Variants in IFNAR1 observed in about 807,000 individuals in gnomAD.
IFNAR1 encodes the protein interferon alpha and beta receptor subunit 1.
A neutral mutation model predicts 62.1 loss-of-function variants in IFNAR1; 47 were observed. That is an observed-to-expected ratio of 0.76 (90% CI 0.60 to 0.97). The LOEUF (loss-of-function observed/expected upper bound fraction) is 0.97. Among genes scored for constraint, IFNAR1 ranks in the 50% least tolerant of loss-of-function variants. The pLI is 0.00. For missense variants in IFNAR1, 638 were observed against 654.5 expected (o/e 0.97, Z 0.27); for synonymous variants, 219 against 226.9 (o/e 0.97, Z 0.31).
In IFNAR1 at chr21:33,349,531, T is replaced by C. The variant is rs760075651; in HGVS notation, c.1131T>C (p.Thr377=). 4 of 1,602,610 alleles carry C rather than the reference T, an allele frequency of 2.5e-6. No individual in the cohort carries two copies. Among genetic ancestry groups the C allele is most frequent in the Non-Finnish European group, 3.4e-6 (4 of 1,172,764 alleles). Residue 377 remains threonine, a synonymous_variant, in exon 8 of 11, where the codon ACT becomes ACC. Coordinates refer to ENST00000270139, the MANE Select transcript of IFNAR1 (RefSeq NM_000629.3). ...ATGAAATTATTTTTTGGGAAAACAC[T>C]TCAAATGCTGAGGTAAAAAGACTGT... is the stretch of plus-strand genomic sequence containing the variant. ...LIYEIIFWEN[T]SNAERKIIEK...
At chr21:33,334,656 G>T in intron 1 of IFNAR1, 1 of 773,004 alleles carries the variant, frequency 1.3e-6, no homozygotes, top group Non-Finnish European at 2.3e-6. Context: ...GGCTTCTGGG[G>T]AAGACCCAGC....
chr21:33,347,575 C>T (rs544488462), intron 6 of IFNAR1, among the ~76,000 whole-genome samples: 2 of 152,204 alleles, frequency 1.3e-5, no homozygotes, highest in Non-Finnish European at 2.9e-5. Context: ...CCTAGATCCT[C>T]TTTTAAGGGG....
intron 1 of IFNAR1, among the ~76,000 whole-genome samples, chr21:33,330,202 T>C (rs2083162750): frequency 6.6e-6 from 1 of 152,186 alleles, no homozygotes; most frequent in Non-Finnish European, 1.5e-5. Context: ...ATCTGGGATC[T>C]GTGCTCTTGA....
Position 33,324,985 on chromosome 21 carries a change from G to A in IFNAR1, c.-71G>A, listed in dbSNP as rs747022187. ...GCAGAGGGGCGGTGTGACTTAGGACGGGGCGATGGCGGCTGAGAGGAGCTG... is the reference window on the plus strand; with the variant it reads ...GCAGAGGGGCGGTGTGACTTAGGACAGGGCGATGGCGGCTGAGAGGAGCTG... On this transcript the variant is annotated 5_prime_UTR_variant, in exon 1 of 11. Coordinates refer to ENST00000270139, the MANE Select transcript of IFNAR1 (RefSeq NM_000629.3). 75 of 1,396,290 alleles carry A rather than the reference G, an allele frequency of 5.4e-5. No homozygotes were observed. The highest frequency in any genetic ancestry group is 2.4e-4 in the South Asian group (19 of 80,204). The allele number at this position is 1,396,290 out of a possible 1,614,324, so 86.5% of individuals were successfully genotyped here.
chr21:33,348,494 T>G (rs998925906), intron 6 of IFNAR1, among the ~76,000 whole-genome samples: 1 of 152,208 alleles, frequency 6.6e-6, no homozygotes, highest in African/African-American at 2.4e-5. Context: ...AAACAATTTT[T>G]TATTTGCAAA....
At chr21:33,336,618 G>A (rs1377273273) in intron 2 of IFNAR1, among the ~76,000 whole-genome samples, 1 of 151,970 alleles carries the variant, frequency 6.6e-6, no homozygotes, top group Non-Finnish European at 1.5e-5. Context: ...TCTGAGCTAG[G>A]GTATATCTTG....
intron 1 of IFNAR1, among the ~76,000 whole-genome samples, chr21:33,329,202 A>C (rs980357985): frequency 1.3e-5 from 2 of 152,186 alleles, no homozygotes; most frequent in African/African-American, 2.4e-5. Flanking sequence ...CTCAAGGCCC[A>C]AAATTACTAG....
intron 1 of IFNAR1, among the ~76,000 whole-genome samples, chr21:33,330,805 A>G (rs999962375): frequency 1.1e-4 from 17 of 152,186 alleles, no homozygotes; most frequent in Non-Finnish European, 7.4e-5. Flanking sequence ...ACTTCTTCCT[A>G]TGGCAAGGAG....
In IFNAR1 at chr21:33,340,976, CATTT is replaced by C. The variant is rs549440507; in HGVS notation, c.201-22_201-19del. 2.1e-4 allele frequency: 320 copies of C among 1,498,248 alleles called. 1 individual carries two copies. The African/African-American group carries it at 3.7e-3, about 17-fold the overall frequency. 92.8% of individuals were successfully genotyped at this position (1,498,248 alleles called of 1,614,324 possible). ...ACATTTATACATTTGCTCACTCATT[CATTT>C]GTTTTTTTTACTTTAAAGAACTGGG... On this transcript the variant is annotated intron_variant, in intron 2 of 10. Transcript: ENST00000270139.
chr21:33,353,960 CAT>C (rs2083424549), intron 10 of IFNAR1, among the ~76,000 whole-genome samples, 177 bp downstream of exon 10: 1 of 152,206 alleles, frequency 6.6e-6, no homozygotes, highest in South Asian at 2.1e-4. Flanking sequence ...CATGTAATAA[CAT>C]AGCATGAGAT....
At chr21:33,338,498 C>T (rs6517165) in intron 2 of IFNAR1, among the ~76,000 whole-genome samples, 2,983 of 148,628 alleles carry the variant, frequency 0.02, 110 homozygotes, top group African/African-American at 0.071. Context: ...CGTGCCCCTG[C>T]ACTCCAGCCT....
At chr21:33,329,046 CCT>C (rs2083153323) in intron 1 of IFNAR1, among the ~76,000 whole-genome samples, 1 of 152,034 alleles carries the variant, frequency 6.6e-6, no homozygotes, top group South Asian at 2.1e-4. Context: ...TTTCCAAGCC[CCT>C]GTCCATTTAT....
intron 1 of IFNAR1, among the ~76,000 whole-genome samples, chr21:33,326,436 C>A (rs4408796): frequency 6.6e-6 from 1 of 152,014 alleles, no homozygotes; most frequent in Non-Finnish European, 1.5e-5. Flanking sequence ...AACTCCTGAC[C>A]TCAAACAATC....
chr21:33,352,038 A>G (rs2083402589), intron 8 of IFNAR1, among the ~76,000 whole-genome samples: 2 of 152,068 alleles, frequency 1.3e-5, no homozygotes, highest in African/African-American at 4.8e-5. Context: ...TAGCAGCAAT[A>G]ACTGTCCCGA....
At chr21:33,352,993 A>G (rs546400985) in intron 9 of IFNAR1, 85 bp downstream of exon 9, 2 of 935,166 alleles carry the variant, frequency 2.1e-6, no homozygotes, top group African/African-American at 1.7e-5. Context: ...ATTGTAAAAC[A>G]TTTTCTCTTT....
At chr21:33,334,752 A>T in intron 1 of IFNAR1, 1 of 788,042 alleles carries the variant, frequency 1.3e-6, no homozygotes, top group Non-Finnish European at 2.3e-6. Flanking sequence ...CAGGTGTGTG[A>T]GGGGCAGCTG....
At chr21:33,338,876 G>A (rs192177753) in intron 2 of IFNAR1, among the ~76,000 whole-genome samples, 1 of 151,736 alleles carries the variant, frequency 6.6e-6, no homozygotes, top group East Asian at 2.0e-4. Flanking sequence ...CCGAGTGCCT[G>A]GGATTACAGG....
intron 1 of IFNAR1, among the ~76,000 whole-genome samples, chr21:33,332,088 C>G (rs1021380903): frequency 1.3e-5 from 2 of 152,316 alleles, no homozygotes; most frequent in African/African-American, 2.4e-5. Context: ...GAATCAAGAG[C>G]TGCTGCAGCT....
At chr21:33,329,229 A>G (rs2083154975) in intron 1 of IFNAR1, among the ~76,000 whole-genome samples, 1 of 152,200 alleles carries the variant, frequency 6.6e-6, no homozygotes, top group African/African-American at 2.4e-5. Flanking sequence ...AATATTCTGC[A>G]CAAGATATTG....
Sources: gnomAD v4.1 joint callset for allele counts (sites outside exome capture counted in the v4.1 genomes callset) on GRCh38, gnomAD v4.1.1 for gene constraint, MANE v1.5 for transcripts, NCBI Gene and HGNC (gene_info 2026-07-23, HGNC 2026-07-21) for gene names.